The following FIG4 variants were observed in gnomAD, a reference collection of about 807,000 sequenced individuals.
FIG4 encodes polyphosphoinositide phosphatase.
A neutral mutation model predicts 118.6 loss-of-function variants in FIG4; 112 were observed. The ratio of observed to expected loss-of-function variants is 0.94; its 90% CI spans 0.81 to 1.11. The LOEUF is 1.11. FIG4 is among the 50% of genes least tolerant of loss of function. The pLI, the probability that FIG4 is intolerant of heterozygous loss-of-function variation, is 0.00. For missense variants in FIG4, 969 were observed against 1,111.7 expected (o/e 0.87, Z 1.83); for synonymous variants, 369 against 381.2 (o/e 0.97, Z 0.37).
chr6:109,717,236 G>T (rs577237778), intron 3 of FIG4, among the ~76,000 whole-genome samples: 27 of 152,234 alleles, frequency 1.8e-4, no homozygotes, highest in Admixed American at 9.8e-4. Flanking sequence ...TGATTCTGTT[G>T]TTTTCAAGGA....
intron 10 of FIG4, among the ~76,000 whole-genome samples, chr6:109,744,632 T>A (rs1776426625): frequency 6.6e-6 from 1 of 152,084 alleles, no homozygotes; most frequent in Non-Finnish European, 1.5e-5. Flanking sequence ...GTCAGTCATT[T>A]ATTTTTATTT....
intron 21 of FIG4, among the ~76,000 whole-genome samples, chr6:109,795,114 T>TG (rs2128398055): frequency 8.9e-6 from 1 of 111,814 alleles, no homozygotes; most frequent in Admixed American, 8.8e-5. Context: ...TTTTTTTTTT[T>TG]TTTTTTTTTT....
At position 109,825,080 on chromosome 6, in the gene FIG4, T is replaced by A; in HGVS notation, c.2547-8T>A. On this transcript the variant is annotated splice_region_variant and splice_polypyrimidine_tract_variant and intron_variant, in intron 22 of 22. Coordinates refer to ENST00000230124, the MANE Select transcript of FIG4 (RefSeq NM_014845.6). ...TAATGCAGCCCTCTCTTTATTCATCTTTTATAGAACACCCATCTCGGCTTT... is the reference window on the plus strand; with the variant it reads ...TAATGCAGCCCTCTCTTTATTCATCATTTATAGAACACCCATCTCGGCTTT... 1 of 1,612,938 alleles carries A rather than the reference T, an allele frequency of 6.2e-7. No homozygotes were observed. Among genetic ancestry groups the A allele is most frequent in the South Asian group, 1.1e-5 (1 of 91,048 alleles).
chr6:109,726,131 T>G (rs1311348061), intron 3 of FIG4, among the ~76,000 whole-genome samples: 1 of 152,220 alleles, frequency 6.6e-6, no homozygotes, highest in African/African-American at 2.4e-5. Context: ...ATTTTGGCTT[T>G]TATTGCCATT....
intron 21 of FIG4, among the ~76,000 whole-genome samples, chr6:109,795,050 C>T (rs547684994): frequency 6.8e-6 from 1 of 147,680 alleles, no homozygotes; most frequent in Non-Finnish European, 1.5e-5. Flanking sequence ...TTTACCAGAC[C>T]TGAAAGCTTT....
chr6:109,823,739 T>TCC (rs1221262972), intron 22 of FIG4, among the ~76,000 whole-genome samples: 2 of 152,126 alleles, frequency 1.3e-5, no homozygotes, highest in African/African-American at 2.4e-5. Context: ...CAGGGTGCAT[T>TCC]TCTGATTCCT....
intron 22 of FIG4, among the ~76,000 whole-genome samples, chr6:109,804,346 G>A (rs895655982): frequency 5.9e-5 from 9 of 152,110 alleles, no homozygotes; most frequent in African/African-American, 1.4e-4. Flanking sequence ...GCCTTGTGCT[G>A]TGTCACCGTG....
chr6:109,789,850 A>G (rs1778089038), intron 19 of FIG4, among the ~76,000 whole-genome samples, 173 bp downstream of exon 19: 1 of 152,216 alleles, frequency 6.6e-6, no homozygotes, highest in African/African-American at 2.4e-5. Context: ...TCAGCAATAC[A>G]GTGCATTTTA....
In FIG4 at chr6:109,768,776, G is replaced by C. The variant is rs549951532; in HGVS notation, c.1750+1881G>C. On this transcript the variant is annotated intron_variant, in intron 15 of 22. Transcript: ENST00000230124. ...CTTTGGTCAGGAGCAAATCATAGGT[G>C]CCCCTGCCCACAAACACGGGGGAAA... Among the ~76,000 whole-genome samples, 33 of 152,246 alleles carry C rather than the reference G, an allele frequency of 2.2e-4. No individual in the cohort carries two copies. In the Middle Eastern group the frequency reaches 0.01, roughly 47 times the overall value.
At chr6:109,757,905 G>A (rs575254633) in intron 10 of FIG4, among the ~76,000 whole-genome samples, 2 of 152,190 alleles carry the variant, frequency 1.3e-5, no homozygotes, top group African/African-American at 4.8e-5. Flanking sequence ...ACTTAAAAGG[G>A]ATATGAAGGA....
At chr6:109,762,999 C>T (rs1777158397) in intron 12 of FIG4, among the ~76,000 whole-genome samples, 2 of 152,216 alleles carry the variant, frequency 1.3e-5, no homozygotes, top group Admixed American at 1.3e-4. Context: ...GTCTTCTCCT[C>T]AGTGGAGTTG....
chr6:109,711,347 C>T (rs1010114526), intron 1 of FIG4, among the ~76,000 whole-genome samples: 7 of 151,954 alleles, frequency 4.6e-5, no homozygotes, highest in South Asian at 4.2e-4. Flanking sequence ...TGCAGTGAGC[C>T]GAGATTGCGC....
intron 8 of FIG4, among the ~76,000 whole-genome samples, chr6:109,741,791 C>A (rs1776332062): frequency 6.6e-6 from 1 of 152,140 alleles, no homozygotes; most frequent in East Asian, 1.9e-4. Context: ...GTACATCCAT[C>A]TGTATACTTT....
chr6:109,809,489 T>C (rs964139184), intron 22 of FIG4, among the ~76,000 whole-genome samples: 4 of 152,218 alleles, frequency 2.6e-5, no homozygotes, highest in African/African-American at 9.6e-5. Flanking sequence ...CCAAAGCTAA[T>C]TGGGGTCTTC....
chr6:109,696,095 A>G (rs1774709720), intron 1 of FIG4, among the ~76,000 whole-genome samples: 1 of 152,264 alleles, frequency 6.6e-6, no homozygotes, highest in South Asian at 2.1e-4. Context: ...TAAACTGCAT[A>G]TTTCTTTGGG....
chr6:109,694,432 C>T (rs1239470043), intron 1 of FIG4, among the ~76,000 whole-genome samples: 1 of 152,132 alleles, frequency 6.6e-6, no homozygotes, highest in Non-Finnish European at 1.5e-5. Flanking sequence ...ATCCACAGAT[C>T]AACTTAAAAT....
At chr6:109,702,848 C>T (rs1311628004) in intron 1 of FIG4, among the ~76,000 whole-genome samples, 1 of 152,184 alleles carries the variant, frequency 6.6e-6, no homozygotes, top group Non-Finnish European at 1.5e-5. Flanking sequence ...AATCTCTCAA[C>T]ACATTCACAC....
At chr6:109,798,514 A>G (rs1436844970) in intron 22 of FIG4, among the ~76,000 whole-genome samples, 2 of 152,192 alleles carry the variant, frequency 1.3e-5, no homozygotes, top group African/African-American at 2.4e-5. Flanking sequence ...GGATCAACCA[A>G]TCTGGAACTC....
At chr6:109,821,097 A>G (rs561228972) in intron 22 of FIG4, among the ~76,000 whole-genome samples, 7 of 152,348 alleles carry the variant, frequency 4.6e-5, no homozygotes, top group Non-Finnish European at 1.0e-4. Flanking sequence ...GGCCACATAC[A>G]GTCTTGAACC....
Sources: gnomAD v4.1 joint callset for allele counts (sites outside exome capture counted in the v4.1 genomes callset) on GRCh38, gnomAD v4.1.1 for gene constraint, MANE v1.5 for transcripts, NCBI Gene and HGNC (gene_info 2026-07-23, HGNC 2026-07-21) for gene names.